The following SPTBN1 variants were observed in gnomAD, a reference collection of about 807,000 sequenced individuals.
SPTBN1 encodes spectrin beta chain, non-erythrocytic 1.
Under a neutral mutation model 266.4 loss-of-function variants are expected in SPTBN1, and 32 were observed. The observed-to-expected ratio is 0.12, with a 90% CI of 0.09 to 0.16. SPTBN1 has a LOEUF of 0.16. SPTBN1 is among the 10% of genes least tolerant of loss of function. The probability of loss-of-function intolerance (pLI) is 1.00; values close to 1 mark genes in which losing one functional copy is unlikely to be tolerated. For missense variants in SPTBN1, 2,296 were observed against 3,067.1 expected (o/e 0.75, Z 5.94); for synonymous variants, 1,336 against 1,162.2 (o/e 1.15, Z -3.04).
At chr2:54,499,922 G>C (rs1291660550) in intron 1 of SPTBN1, among the ~76,000 whole-genome samples, 1 of 152,182 alleles carries the variant, frequency 6.6e-6, no homozygotes, top group African/African-American at 2.4e-5. Flanking sequence ...GTTATGCTGG[G>C]TACTTTCCAA....
intron 3 of SPTBN1, among the ~76,000 whole-genome samples, chr2:54,606,075 T>G (rs1343388073): frequency 6.6e-6 from 1 of 152,228 alleles, no homozygotes; most frequent in African/African-American, 2.4e-5. Context: ...AGTTGTGGAA[T>G]GTCTCATACA....
Position 54,574,579 on chromosome 2 carries a change from G to A in SPTBN1, c.149-24513G>A, listed in dbSNP as rs111674405. 1.4e-3 allele frequency among the ~76,000 whole-genome samples: 207 copies of A among 152,268 alleles called. 2 individuals are homozygous for A. Among genetic ancestry groups the A allele is most frequent in the African/African-American group, 4.3e-3 (179 of 41,538 alleles). On this transcript the variant is annotated intron_variant, in intron 2 of 35. Coordinates refer to ENST00000356805, the MANE Select transcript of SPTBN1 (RefSeq NM_003128.3). ...TGGAGGTCAGGTCTTCTCACCCAGG[G>A]TCAGAAAGCCCATCAGTTGCTGATA...
intron 17 of SPTBN1, among the ~76,000 whole-genome samples, chr2:54,637,336 G>A: frequency 6.6e-6 from 1 of 152,078 alleles, no homozygotes. Flanking sequence ...AGCCTTGTAT[G>A]TGTCACCCAG....
At chr2:54,555,463 G>T (rs1672811780) in intron 2 of SPTBN1, among the ~76,000 whole-genome samples, 1 of 152,188 alleles carries the variant, frequency 6.6e-6, no homozygotes, top group South Asian at 2.1e-4. Flanking sequence ...AGTTACCAAA[G>T]TCCTTTGGAT....
intron 4 of SPTBN1, among the ~76,000 whole-genome samples, chr2:54,614,666 G>T (rs1677468021): frequency 1.3e-5 from 2 of 152,054 alleles, no homozygotes; most frequent in African/African-American, 2.4e-5. Flanking sequence ...AGCCAGGTGT[G>T]GTGGCAGACA....
intron 9 of SPTBN1, among the ~76,000 whole-genome samples, 170 bp from the exon 10 acceptor site, chr2:54,623,309 C>G (rs554354735): frequency 1.4e-4 from 21 of 152,310 alleles, no homozygotes; most frequent in Admixed American, 1.4e-3. Flanking sequence ...CAAAGAAATT[C>G]CACGGTTTGG....
Position 54,671,288 on chromosome 2 carries a change from T to C in SPTBN1, c.*2719T>C, listed in dbSNP as rs1681675068. On this transcript the variant is annotated 3_prime_UTR_variant, in exon 36 of 36. Coordinates refer to ENST00000356805, the MANE Select transcript of SPTBN1 (RefSeq NM_003128.3). ...TTCTTACAATTCCTGGCATCTTGAG[T>C]AGGTGAAACACTGTATCAGACTGGG... is the stretch of plus-strand genomic sequence containing the variant. 1 of 152,614 alleles carries C rather than the reference T, an allele frequency of 6.6e-6. No individual in the cohort carries two copies. Among genetic ancestry groups the C allele is most frequent in the Admixed American group, 6.5e-5 (1 of 15,286 alleles). 9.5% of individuals were successfully genotyped at this position (152,614 alleles called of 1,614,324 possible). A position where few individuals can be genotyped will look rare whatever the true frequency, so the allele number is the denominator to read the frequency against.
intron 2 of SPTBN1, among the ~76,000 whole-genome samples, chr2:54,542,491 A>G (rs917454443): frequency 6.6e-6 from 1 of 152,200 alleles, no homozygotes; most frequent in Admixed American, 6.5e-5. Context: ...ATGTAAAACT[A>G]CCAACTTGGA....
At position 54,645,791 on chromosome 2, in the gene SPTBN1, C is replaced by G; in HGVS notation, c.4495-137C>G. The G allele has an allele frequency of 1.1e-6, 1 of 898,038 alleles. No individual in the cohort carries two copies. The highest frequency in any genetic ancestry group is 1.7e-6 in the Non-Finnish European group (1 of 584,948). The allele number at this position is 898,038 out of a possible 1,614,324, so 55.6% of individuals were successfully genotyped here. A position where few individuals can be genotyped will look rare whatever the true frequency, so the allele number is the denominator to read the frequency against. On this transcript the variant is annotated intron_variant, in intron 21 of 35. Transcript: ENST00000356805. This position sits in a 1 kb window ranked among gnomAD's most constrained non-coding sequence, Gnocchi z 4.3. ...GTCTCGGAGAACAAGGGCGTGCTTC[C>G]CCAGACAGCCCTCCCGAGGGGGCTG...
chr2:54,530,646 C>T lies in SPTBN1; in HGVS notation c.148+4080C>T, dbSNP rs1470298118. Among the ~76,000 whole-genome samples the T allele has an allele frequency of 5.3e-5, 8 of 152,132 alleles. No homozygotes were observed. The South Asian group carries it at 8.3e-4, about 16-fold the overall frequency. ...TGCTGAGATTACAGGCATGAGCCAC[C>T]GCGCCCGGCTTAAAAAACATTTTTA... is the stretch of plus-strand genomic sequence containing the variant. On this transcript the variant is annotated intron_variant, in intron 2 of 35. Transcript: ENST00000356805.
chr2:54,496,928 T>A (rs1668999558), intron 1 of SPTBN1, among the ~76,000 whole-genome samples: 1 of 152,254 alleles, frequency 6.6e-6, no homozygotes, highest in East Asian at 1.9e-4. Flanking sequence ...AACAACTATG[T>A]GTCCTGTAAT....
intron 33 of SPTBN1, among the ~76,000 whole-genome samples, chr2:54,665,079 C>A (rs1681284920): frequency 6.6e-6 from 1 of 152,148 alleles, no homozygotes. Flanking sequence ...TATATATATT[C>A]ATTGTCTCTC....
At chr2:54,607,156 T>C (rs944556308) in intron 3 of SPTBN1, among the ~76,000 whole-genome samples, 1 of 152,268 alleles carries the variant, frequency 6.6e-6, no homozygotes, top group East Asian at 1.9e-4. Context: ...TATTATGGTC[T>C]GGTTCTGCAT....
rs142695533 is a variant in SPTBN1 at position 54,628,093 on chromosome 2, A to G, written c.1645-4A>G. On this transcript the variant is annotated splice_region_variant and splice_polypyrimidine_tract_variant and intron_variant, in intron 12 of 35. Coordinates refer to ENST00000356805, the MANE Select transcript of SPTBN1 (RefSeq NM_003128.3). The surrounding 1 kb of genome is among the most constrained non-coding windows in gnomAD (Gnocchi z 4.3). ...ATGTCCTTTTGGTTGCTTCTTGTGC[A>G]CAGGTGCTAGTATTGTCTCAAGACT... The G allele has an allele frequency of 6.5e-4, 1,041 of 1,606,260 alleles. 14 individuals are homozygous for G. The East Asian group carries it at 0.021, about 33-fold the overall frequency.
At chr2:54,577,111 C>A (rs925489131) in intron 2 of SPTBN1, among the ~76,000 whole-genome samples, 2 of 151,972 alleles carry the variant, frequency 1.3e-5, no homozygotes, top group African/African-American at 4.8e-5. Flanking sequence ...GGGGTTTTGC[C>A]TCCTTTTTGT....
chr2:54,586,691 C>G (rs915932650), intron 2 of SPTBN1, among the ~76,000 whole-genome samples: 1 of 152,112 alleles, frequency 6.6e-6, no homozygotes, highest in Non-Finnish European at 1.5e-5. Context: ...GTCTTTGTGT[C>G]TTTCTGGTTT....
intron 32 of SPTBN1, chr2:54,661,856 T>C (rs1240968101): frequency 1.0e-6 from 1 of 985,474 alleles, no homozygotes; most frequent in Non-Finnish European, 1.2e-6. Flanking sequence ...AAAAGAGTGC[T>C]ATGATGTTCT....
Position 54,668,713 on chromosome 2 carries a change from G to A in SPTBN1, c.*144G>A, listed in dbSNP as rs1206936620. On this transcript the variant is annotated 3_prime_UTR_variant, in exon 36 of 36. Transcript: ENST00000356805. ...TTTTTTTTAATTTATAGAGCATTTC[G>A]GGGGGGGTGGGGGAAACACACCTAA... 1.8e-5 allele frequency: 11 copies of A among 614,460 alleles called. No individual in the cohort carries two copies. Among genetic ancestry groups the A allele is most frequent in the South Asian group, 8.4e-5 (4 of 47,680 alleles). The allele number at this position is 614,460 out of a possible 1,614,324, so 38.1% of individuals were successfully genotyped here. A position where few individuals can be genotyped will look rare whatever the true frequency, so the allele number is the denominator to read the frequency against.
At chr2:54,578,306 G>T (rs12713266) in intron 2 of SPTBN1, among the ~76,000 whole-genome samples, 48,113 of 152,118 alleles carry the variant, frequency 0.32, 9,415 homozygotes, top group African/African-American at 0.56. Context: ...AACCACATCT[G>T]AAGTTCAGAT....
Sources: allele counts gnomAD v4.1 joint callset (sites outside exome capture counted in the v4.1 genomes callset), GRCh38; gene constraint gnomAD v4.1.1; non-coding constraint Gnocchi (gnomAD v3.1); transcripts MANE v1.5; gene names NCBI Gene and HGNC (gene_info 2026-07-23, HGNC 2026-07-21).